Variants in ARIH2 observed in about 807,000 individuals in gnomAD.
The protein encoded by ARIH2 is E3 ubiquitin-protein ligase ARIH2.
ARIH2 carries 12 observed loss-of-function variants against 79.8 expected under a neutral mutation model. The ratio of observed to expected loss-of-function variants is 0.15; its 90% CI spans 0.10 to 0.24. The LOEUF is 0.24. Ranked by LOEUF, ARIH2 falls within the 10% of genes least tolerant of loss-of-function variation. ARIH2 has a pLI of 1.00. For missense variants in ARIH2, 301 were observed against 618.3 expected, an observed-to-expected ratio of 0.49 and a Z score of 5.44; for synonymous variants, 224 against 213.9, an observed-to-expected ratio of 1.05 and a Z score of -0.41.
intron 3 of ARIH2, among the ~76,000 whole-genome samples, chr3:48,939,797 A>C (rs1252567497): frequency 2.0e-5 from 3 of 151,700 alleles, no homozygotes; most frequent in Admixed American, 6.6e-5. Context: ...AAAACAAAAA[A>C]AAAAACTGAA....
intron 3 of ARIH2, among the ~76,000 whole-genome samples, chr3:48,960,470 AC>A (rs1185677551): frequency 1.3e-5 from 2 of 151,690 alleles, no homozygotes; most frequent in Non-Finnish European, 2.9e-5. Context: ...AAAAAAAAAA[AC>A]AAAAAAACCT....
At chr3:48,948,751 C>A (rs1320533250) in intron 3 of ARIH2, among the ~76,000 whole-genome samples, 1 of 152,180 alleles carries the variant, frequency 6.6e-6, no homozygotes, top group East Asian at 1.9e-4. Flanking sequence ...GATCTTCTGT[C>A]TCAGTAGTTT....
chr3:48,927,838 G>A (rs996898146), intron 3 of ARIH2, 25 bp downstream of exon 3: 1 of 1,608,310 alleles, frequency 6.2e-7, no homozygotes, highest in Non-Finnish European at 8.5e-7. Flanking sequence ...AAACTCCAGT[G>A]TAATCCCCCC....
rs564041149 is a variant in ARIH2, at chr3:48,928,196, A to G, written c.255+383A>G. Among the ~76,000 whole-genome samples the G allele has an allele frequency of 9.3e-4, 141 of 152,318 alleles. 2 individuals carry two copies. Among genetic ancestry groups the G allele is most frequent in the Non-Finnish European group, 9.0e-4 (61 of 68,028 alleles). On this transcript the variant is annotated intron_variant, in intron 3 of 15. Transcript: ENST00000356401. The stretch of plus-strand genomic sequence containing the variant: ...TTCTGTACGACTGTGAGTGACTGAT[A>G]AATGTCTTGAGAGTATACAGATCCC...
In ARIH2 at chr3:48,985,549, A is replaced by G. The variant is rs2092884247; in HGVS notation, c.*2279A>G. ...AGTTTCTGATTATAAAAATGTGTCT[A>G]GAGTCTTTCTTCATGGGGTCTAGGT... On this transcript the variant is annotated 3_prime_UTR_variant, in exon 16 of 16. Transcript: ENST00000356401. 1 of 152,234 alleles carries G rather than the reference A, an allele frequency of 6.6e-6. No individual in the cohort carries two copies. Among genetic ancestry groups the G allele is most frequent in the African/African-American group, 2.4e-5 (1 of 41,458 alleles). 9.4% of individuals were successfully genotyped at this position (152,234 alleles called of 1,614,324 possible).
chr3:48,969,491 CTT>C (rs369825308), intron 7 of ARIH2, among the ~76,000 whole-genome samples: 7 of 144,068 alleles, frequency 4.9e-5, no homozygotes, highest in Admixed American at 7.0e-5. Flanking sequence ...TCTTTTTCTT[CTT>C]TTTTTTTTTT....
intron 11 of ARIH2, among the ~76,000 whole-genome samples, chr3:48,976,607 ATTTC>A (rs1244925890): frequency 1.3e-5 from 2 of 152,168 alleles, no homozygotes; most frequent in African/African-American, 4.8e-5. Flanking sequence ...GTAGTGGCAT[ATTTC>A]TTCTGTGGGG....
intron 2 of ARIH2, among the ~76,000 whole-genome samples, chr3:48,924,238 T>C (rs1366582736): frequency 2.0e-5 from 3 of 151,868 alleles, no homozygotes; most frequent in Non-Finnish European, 4.4e-5. Flanking sequence ...TGAATGATCC[T>C]CCAGCCTCAG....
rs1269005430 is a variant in ARIH2, at chr3:48,974,991, G to T, written c.961+12G>T. ...CAAATGTAAACACGGTGAGTTCCAA[G>T]CTTGGTGTGTAAGGCCCAGTGGCAC... On this transcript the variant is annotated intron_variant, in intron 11 of 15. Transcript: ENST00000356401. 2.5e-6 allele frequency: 4 copies of T among 1,614,244 alleles called. No individual in the cohort carries two copies. In the Admixed American group the frequency reaches 6.7e-5, roughly 27 times the overall value.
rs1305582020 is a variant in ARIH2, at chr3:48,983,515, T to G, written c.*245T>G. On this transcript the variant is annotated 3_prime_UTR_variant, in exon 16 of 16. Transcript: ENST00000356401. ...GGACTTTTATTTCCCCCTGGATGGT[T>G]GTTGGGAGGGAGGGAAAGTGTTTTC... 2 of 543,920 alleles carry G rather than the reference T, an allele frequency of 3.7e-6. No homozygotes were observed. Among genetic ancestry groups the G allele is most frequent in the Admixed American group, 3.4e-5 (1 of 29,608 alleles). The allele number at this position is 543,920 out of a possible 1,614,324, so 33.7% of individuals were successfully genotyped here.
chr3:48,928,357 G>A (rs374275069), intron 3 of ARIH2, among the ~76,000 whole-genome samples: 3 of 152,132 alleles, frequency 2.0e-5, no homozygotes, highest in African/African-American at 7.2e-5. Flanking sequence ...TGTAAAGAAT[G>A]AACAAAGTTG....
intron 14 of ARIH2, among the ~76,000 whole-genome samples, chr3:48,982,301 T>C (rs554072963): frequency 2.0e-5 from 3 of 152,346 alleles, no homozygotes; most frequent in East Asian, 1.9e-4. Context: ...TAACAGTTTA[T>C]TGTTATAGCT....
chr3:48,925,405 G>A (rs937766093), intron 2 of ARIH2, among the ~76,000 whole-genome samples: 3 of 142,474 alleles, frequency 2.1e-5, no homozygotes, highest in East Asian at 4.4e-4. Context: ...GAGCCACCGC[G>A]CCCAGCTGAT....
intron 3 of ARIH2, among the ~76,000 whole-genome samples, chr3:48,929,564 T>C (rs1462476027): frequency 1.3e-5 from 2 of 152,180 alleles, no homozygotes; most frequent in Admixed American, 1.3e-4. Context: ...CTTTGGTCTG[T>C]GTCCAAAGAA....
At position 48,961,817 on chromosome 3, in the gene ARIH2, A is replaced by G. The variant is rs1016934980; in HGVS notation, c.323+138A>G. 4 of 586,238 alleles carry G rather than the reference A, an allele frequency of 6.8e-6. No individual in the cohort carries two copies. In the South Asian group the frequency reaches 9.5e-5, roughly 14 times the overall value. 36.3% of individuals were successfully genotyped at this position (586,238 alleles called of 1,614,324 possible). A position where few individuals can be genotyped will look rare whatever the true frequency, so the allele number is the denominator to read the frequency against. ...TTTAAAACATTGGATTCTATTTTACATCCTCTTCTCTTAATATGTTGTGAA... is the reference window on the plus strand; with the variant it reads ...TTTAAAACATTGGATTCTATTTTACGTCCTCTTCTCTTAATATGTTGTGAA... On this transcript the variant is annotated intron_variant, in intron 4 of 15. Coordinates refer to ENST00000356401, the MANE Select transcript of ARIH2 (RefSeq NM_006321.4).
intron 13 of ARIH2, 120 bp downstream of exon 13, chr3:48,980,616 T>C (rs1454233827): frequency 1.7e-6 from 2 of 1,158,532 alleles, no homozygotes; most frequent in Admixed American, 5.0e-5. Context: ...CAGCCTTTCA[T>C]GCTTCTGCTT....
intron 3 of ARIH2, among the ~76,000 whole-genome samples, chr3:48,933,847 GT>G (rs1362693862): frequency 1.1e-4 from 17 of 152,060 alleles, no homozygotes; most frequent in Admixed American, 1.1e-3. Context: ...CACCGCGCCT[GT>G]CCCTATTGCT....
intron 4 of ARIH2, among the ~76,000 whole-genome samples, chr3:48,962,262 A>C (rs148204197): frequency 6.6e-6 from 1 of 152,214 alleles, no homozygotes; most frequent in African/African-American, 2.4e-5. Flanking sequence ...CTGTAGTCCC[A>C]GCTACTCAGA....
Position 48,974,966 on chromosome 3 carries a change from C to G in ARIH2, c.948C>G (p.Ser316=), listed in dbSNP as rs1162622746. The change falls in exon 11 of 16, where the codon TCC becomes TCG. Residue 316 remains serine (S), a synonymous_variant. Transcript: ENST00000356401. ...KNGGCNHMQC[S]KCKHDFCWMC... ...CTGTTTCCCTCTGACAGCAATGCTC[C>G]AAATGTAAACACGGTGAGTTCCAAG... 1 of 1,614,196 alleles carries G rather than the reference C, an allele frequency of 6.2e-7. No individual in the cohort carries two copies. Among genetic ancestry groups the G allele is most frequent in the Non-Finnish European group, 8.5e-7 (1 of 1,180,036 alleles).
Sources: allele counts gnomAD v4.1 joint callset (sites outside exome capture counted in the v4.1 genomes callset), GRCh38; gene constraint gnomAD v4.1.1; transcripts MANE v1.5; gene names NCBI Gene and HGNC (gene_info 2026-07-23, HGNC 2026-07-21).